The following C2CD5 variants were observed in gnomAD, a reference collection of about 807,000 sequenced individuals.
C2CD5 encodes C2 domain-containing protein 5.
Under a neutral mutation model 130.3 loss-of-function variants are expected in C2CD5, and 109 were observed. The ratio of observed to expected loss-of-function variants is 0.84; its 90% CI spans 0.72 to 0.98. The LOEUF is 0.98. Ranked by LOEUF, C2CD5 falls within the 50% of genes least tolerant of loss-of-function variation. C2CD5 has a pLI of 0.00. For synonymous variants in C2CD5, 454 were observed against 429.2 expected (o/e 1.06, Z -0.71); for missense variants, 996 against 1,261.8 (o/e 0.79, Z 3.19).
intron 2 of C2CD5, among the ~76,000 whole-genome samples, chr12:22,540,455 A>T (rs985470204): frequency 2.6e-5 from 4 of 152,352 alleles, no homozygotes; most frequent in Admixed American, 6.5e-5. Flanking sequence ...TTATTGCTAT[A>T]TCCCCAGCAT....
At chr12:22,534,633 C>T (rs1275553220) in intron 3 of C2CD5, 2 of 152,130 alleles carry the variant, frequency 1.3e-5, no homozygotes, top group African/African-American at 4.8e-5. Context: ...TGTGGATGAA[C>T]CCTGAAAACA....
chr12:22,489,763 C>T (rs1280980201), intron 12 of C2CD5, among the ~76,000 whole-genome samples: 1 of 151,882 alleles, frequency 6.6e-6, no homozygotes, highest in Non-Finnish European at 1.5e-5. Context: ...AAAATTGTTT[C>T]ATAACCTCTT....
At chr12:22,543,120 T>C (rs956236457) in intron 2 of C2CD5, among the ~76,000 whole-genome samples, 12 of 152,220 alleles carry the variant, frequency 7.9e-5, no homozygotes, top group African/African-American at 2.2e-4. Flanking sequence ...ATCAGGAATA[T>C]TGAGATGAAA....
chr12:22,462,852 C>T (rs1356611399), intron 22 of C2CD5, among the ~76,000 whole-genome samples: 1 of 152,036 alleles, frequency 6.6e-6, no homozygotes, highest in Non-Finnish European at 1.5e-5. Flanking sequence ...TTTGGGAAAC[C>T]TAAGTGGGCG....
chr12:22,540,207 G>A (rs576373050), intron 2 of C2CD5, among the ~76,000 whole-genome samples: 6 of 152,278 alleles, frequency 3.9e-5, no homozygotes, highest in Non-Finnish European at 7.4e-5. Context: ...CTACACAACT[G>A]TCTCACTCTG....
chr12:22,456,401 C>T (rs190644176), intron 25 of C2CD5, among the ~76,000 whole-genome samples: 154 of 152,232 alleles, frequency 1.0e-3, no homozygotes, highest in Middle Eastern at 3.4e-3. Context: ...CAGGCTGACT[C>T]TGATTCTGAA....
At chr12:22,501,411 C>T (rs1056907443) in intron 10 of C2CD5, among the ~76,000 whole-genome samples, 4 of 152,098 alleles carry the variant, frequency 2.6e-5, no homozygotes, top group African/African-American at 9.7e-5. Context: ...ACATCTCACC[C>T]TAAACATCTT....
chr12:22,539,517 C>A (rs1395447136), intron 2 of C2CD5, among the ~76,000 whole-genome samples: 1 of 152,174 alleles, frequency 6.6e-6, no homozygotes, highest in Admixed American at 6.5e-5. Flanking sequence ...ACAGAACCAA[C>A]TCCAACTCCT....
intron 2 of C2CD5, among the ~76,000 whole-genome samples, chr12:22,536,681 T>C (rs1348919191): frequency 6.6e-6 from 1 of 152,166 alleles, no homozygotes. Context: ...GGATGAAGAA[T>C]AGATTAACAT....
At position 22,518,149 on chromosome 12, in the gene C2CD5, A is replaced by T; in HGVS notation, c.801-12T>A. The T allele has an allele frequency of 3.7e-6, 6 of 1,612,950 alleles. No individual in the cohort carries two copies. The highest frequency in any genetic ancestry group is 5.1e-6 in the Non-Finnish European group (6 of 1,178,986). ...CATTGAAGGGAATCCTGCCAGAAGA[A>T]GGTGGAGAAATATTAAGTAATCATG... On this transcript the variant is annotated splice_polypyrimidine_tract_variant and intron_variant, in intron 7 of 26. Coordinates refer to ENST00000446597, the MANE Select transcript of C2CD5 (RefSeq NM_001286176.2).
chr12:22,454,078 T>C (rs1207570917), intron 25 of C2CD5, 36 bp from the exon 26 acceptor site: 1 of 1,539,198 alleles, frequency 6.5e-7, no homozygotes. Flanking sequence ...ATACTATATA[T>C]ACATGTGTAT....
intron 22 of C2CD5, chr12:22,463,438 T>A (rs1941543045): frequency 6.6e-6 from 1 of 151,916 alleles, no homozygotes; most frequent in African/African-American, 2.4e-5. Flanking sequence ...AGGCCAGGTC[T>A]CCACCCTTAT....
chr12:22,480,291 G>A (rs190375943), intron 14 of C2CD5, among the ~76,000 whole-genome samples: 2 of 152,254 alleles, frequency 1.3e-5, no homozygotes, highest in Non-Finnish European at 2.9e-5. Context: ...ACCTATCACA[G>A]CACACAGTTT....
At chr12:22,488,301 A>T (rs1018087684) in intron 12 of C2CD5, among the ~76,000 whole-genome samples, 1 of 152,226 alleles carries the variant, frequency 6.6e-6, no homozygotes, top group Non-Finnish European at 1.5e-5. Flanking sequence ...AGACGTAGGA[A>T]ATCTTACAAA....
intron 12 of C2CD5, among the ~76,000 whole-genome samples, chr12:22,486,119 T>C: frequency 6.6e-6 from 1 of 150,946 alleles, no homozygotes; most frequent in East Asian, 1.9e-4. Context: ...AAAGTGAGAA[T>C]CCTGTACTTA....
intron 26 of C2CD5, among the ~76,000 whole-genome samples, 194 bp from the exon 27 acceptor site, chr12:22,450,085 T>A (rs1032306440): frequency 3.3e-5 from 5 of 152,070 alleles, no homozygotes; most frequent in Admixed American, 1.3e-4. Context: ...GGAGCTCCTG[T>A]GAACATATGA....
At chr12:22,479,078 AT>A (rs934022392) in intron 14 of C2CD5, among the ~76,000 whole-genome samples, 153 of 145,230 alleles carry the variant, frequency 1.1e-3, no homozygotes, top group African/African-American at 9.7e-4. Flanking sequence ...CTACCTCACA[AT>A]TTTTTTTTTT....
chr12:22,521,469 A>G (rs887530113), intron 7 of C2CD5, among the ~76,000 whole-genome samples: 12 of 152,166 alleles, frequency 7.9e-5, no homozygotes, highest in African/African-American at 2.9e-4. Flanking sequence ...CAGGTAATAT[A>G]GCTTTGTCAT....
chr12:22,479,762 T>A (rs577899609), intron 14 of C2CD5, among the ~76,000 whole-genome samples: 1 of 152,052 alleles, frequency 6.6e-6, no homozygotes, highest in African/African-American at 2.4e-5. Context: ...TGGAAAACTA[T>A]CATGGGAAAT....
Sources: gnomAD v4.1 joint callset for allele counts (sites outside exome capture counted in the v4.1 genomes callset) on GRCh38, gnomAD v4.1.1 for gene constraint, MANE v1.5 for transcripts, NCBI Gene and HGNC (gene_info 2026-07-23, HGNC 2026-07-21) for gene names.